PHIP: variants seen among roughly 807,000 people sequenced by gnomAD.
The protein encoded by PHIP is PHIP subunit of CUL4-Ring ligase complex, also known as PH-interacting protein.
A neutral mutation model predicts 236.8 loss-of-function variants in PHIP; 54 were observed. The ratio of observed to expected loss-of-function variants is 0.23; its 90% confidence interval spans 0.18 to 0.29. The LOEUF (loss-of-function observed/expected upper bound fraction) is 0.29. PHIP is among the 10% of genes least tolerant of loss of function. The pLI, the probability that PHIP is intolerant of heterozygous loss-of-function variation, is 1.00. For missense variants in PHIP, 1,370 were observed against 2,190.8 expected (o/e 0.63, Z 7.48); for synonymous variants, 756 against 718.9 (o/e 1.05, Z -0.83).
At chr6:79,034,907 T>C (rs748509575) in intron 7 of PHIP, among the ~76,000 whole-genome samples, 2 of 152,144 alleles carry the variant, frequency 1.3e-5, no homozygotes, top group Non-Finnish European at 2.9e-5. Flanking sequence ...ATTCTTTGAG[T>C]GTGCGGGATG....
chr6:79,068,425 T>G (rs1773730985), intron 4 of PHIP, among the ~76,000 whole-genome samples: 1 of 152,160 alleles, frequency 6.6e-6, no homozygotes, highest in African/African-American at 2.4e-5. Context: ...ATCATGCCAC[T>G]GCACACCAGC....
chr6:79,026,229 G>T, intron 7 of PHIP, 65 bp from the exon 8 acceptor site: 2 of 1,134,690 alleles, frequency 1.8e-6, no homozygotes, highest in African/African-American at 1.5e-5. Flanking sequence ...TCTTAACACT[G>T]ATAAATCTAC....
intron 29 of PHIP, among the ~76,000 whole-genome samples, chr6:78,963,492 C>T (rs1766928440): frequency 1.3e-5 from 2 of 152,134 alleles, no homozygotes; most frequent in South Asian, 4.1e-4. Flanking sequence ...ACCTGAAAAT[C>T]TGCTCTGTAA....
chr6:78,985,190 A>G (rs1051631071), intron 22 of PHIP, among the ~76,000 whole-genome samples, 162 bp downstream of exon 22: 1 of 152,120 alleles, frequency 6.6e-6, no homozygotes, highest in African/African-American at 2.4e-5. Context: ...ATTATTTTCT[A>G]TAGAGAACAT....
rs1208779541 is a variant in PHIP, at chr6:78,945,482, A to G, written c.4646T>C (p.Val1549Ala). The change falls in exon 39 of 40, where the codon GTG becomes GCG. Residue 1549 changes from valine to alanine, a missense_variant. This residue lies in a region of PHIP where 309 missense variants were observed against 328.3 expected (regional missense o/e 0.94). Coordinates refer to ENST00000275034, the MANE Select transcript of PHIP (RefSeq NM_017934.7). ...AGTATTCAAAGCTTTGGAATGTTTCACAGAATTCTCTAGTACTAAAACATA... is the reference window on the plus strand; with the variant it reads ...AGTATTCAAAGCTTTGGAATGTTTCGCAGAATTCTCTAGTACTAAAACATA... ...IPGKTILENS[V>A]KHSKALNTLS... The G allele has an allele frequency of 1.9e-6, 3 of 1,604,804 alleles. No individual in the cohort carries two copies. The Admixed American group carries it at 5.0e-5, about 27-fold the overall frequency.
intron 31 of PHIP, among the ~76,000 whole-genome samples, chr6:78,960,018 G>A (rs1032020965): frequency 3.9e-5 from 6 of 152,144 alleles, no homozygotes; most frequent in Admixed American, 3.9e-4. Flanking sequence ...TTAACCTCAT[G>A]ATCACGTGGC....
At chr6:79,071,617 A>G (rs1349247727) in intron 4 of PHIP, among the ~76,000 whole-genome samples, 1 of 152,196 alleles carries the variant, frequency 6.6e-6, no homozygotes, top group East Asian at 1.9e-4. Context: ...AGTGCATTAA[A>G]ATAGGAAGTT....
At chr6:79,012,678 T>C (rs1770650701) in intron 15 of PHIP, among the ~76,000 whole-genome samples, 1 of 151,704 alleles carries the variant, frequency 6.6e-6, no homozygotes, top group South Asian at 2.1e-4. Flanking sequence ...TAGCTATAAT[T>C]ATAGCCAAAA....
chr6:78,947,909 T>A, intron 35 of PHIP, 134 bp from the exon 36 acceptor site: 2 of 481,186 alleles, frequency 4.2e-6, no homozygotes, highest in East Asian at 6.7e-5. Context: ...GTTCCCCTTA[T>A]CAAGAGTCCC....
intron 18 of PHIP, 87 bp downstream of exon 18, chr6:78,998,167 T>C: frequency 1.0e-6 from 1 of 976,790 alleles, no homozygotes; most frequent in South Asian, 1.6e-5. Flanking sequence ...GGATGTACCA[T>C]AATTTTTTTA....
Position 78,941,301 on chromosome 6 carries a change from C to T in PHIP, c.4858G>A (p.Gly1620Arg), listed in dbSNP as rs756989773. The T allele has an allele frequency of 1.2e-6, 2 of 1,613,426 alleles. No individual in the cohort carries two copies. Among genetic ancestry groups the T allele is most frequent in the South Asian group, 1.1e-5 (1 of 91,064 alleles). The change falls in exon 40 of 40, where the codon GGA becomes AGA. Residue 1620 changes from glycine (G) to arginine (R), a missense_variant. By Grantham distance (125) the Gly-to-Arg change is moderately radical. Transcript: ENST00000275034. Reference protein sequence around the residue: ...GDCKNNALVPGTIQVNGHGGQ... With the variant: ...GDCKNNALVPRTIQVNGHGGQ... Reference sequence around the variant, plus strand: ...CCATGGCCATTTACTTGAATGGTTCCTGGTACAAGAGCGTTGTTCTTACAA... The same window carrying T: ...CCATGGCCATTTACTTGAATGGTTCTTGGTACAAGAGCGTTGTTCTTACAA...
Position 79,078,244 on chromosome 6 carries a change from A to G in PHIP, c.-176T>C. ...GGAGGAGGAGGAAACAACAACTCTCAGGCAGCGACTACGGCCGTGGCCGCC... is the reference window on the plus strand; with the variant it reads ...GGAGGAGGAGGAAACAACAACTCTCGGGCAGCGACTACGGCCGTGGCCGCC... On this transcript the variant is annotated 5_prime_UTR_variant, in exon 1 of 40. Transcript: ENST00000275034. 2 of 597,130 alleles carry G rather than the reference A, an allele frequency of 3.3e-6. No homozygotes were observed. Among genetic ancestry groups the G allele is most frequent in the African/African-American group, 2.0e-5 (1 of 51,254 alleles). 37.0% of individuals were successfully genotyped at this position (597,130 alleles called of 1,614,324 possible).
chr6:78,952,401 G>C (rs1166980116), intron 35 of PHIP, among the ~76,000 whole-genome samples: 1 of 133,864 alleles, frequency 7.5e-6, no homozygotes, highest in Non-Finnish European at 1.5e-5. Flanking sequence ...CCTGGAGACA[G>C]AGTGAGACTC....
intron 35 of PHIP, among the ~76,000 whole-genome samples, chr6:78,948,004 G>T (rs1320242038): frequency 6.6e-6 from 1 of 151,720 alleles, no homozygotes; most frequent in African/African-American, 2.4e-5. Context: ...GAACACAGAA[G>T]TTATTAATTT....
rs1424658323 is a variant in PHIP, at chr6:79,052,532, G to C, written c.439+7946C>G. On this transcript the variant is annotated intron_variant, in intron 6 of 39. Transcript: ENST00000275034. ...AGAAAAGAATGGAGTAATATACATA[G>C]TAAGATTTACTTTGGGATAACTCAT... Among the ~76,000 whole-genome samples, 3 of 152,288 alleles carry C rather than the reference G, an allele frequency of 2.0e-5. No homozygotes were observed. In the South Asian group the frequency reaches 6.2e-4, roughly 32 times the overall value.
chr6:79,036,785 G>C (rs996385585), intron 7 of PHIP, among the ~76,000 whole-genome samples: 4 of 151,868 alleles, frequency 2.6e-5, no homozygotes, highest in African/African-American at 9.7e-5. Flanking sequence ...GCCAGGCGTG[G>C]TGGTGGGTGC....
intron 32 of PHIP, 109 bp downstream of exon 32, chr6:78,958,366 T>G: frequency 1.4e-6 from 1 of 702,092 alleles, no homozygotes; most frequent in Admixed American, 2.7e-5. Context: ...CTATTTTGGC[T>G]ACTCTTAAAT....
intron 31 of PHIP, 71 bp downstream of exon 31, chr6:78,961,619 C>T: frequency 6.6e-7 from 1 of 1,510,454 alleles, no homozygotes; most frequent in South Asian, 1.2e-5. Flanking sequence ...AGAAACACTG[C>T]TAAAGATCAG....
intron 4 of PHIP, among the ~76,000 whole-genome samples, chr6:79,068,600 A>G (rs1773738467): frequency 6.6e-6 from 1 of 152,226 alleles, no homozygotes; most frequent in Non-Finnish European, 1.5e-5. Flanking sequence ...GACTGGTATC[A>G]CAACAGTCAC....
Sources: allele counts gnomAD v4.1 joint callset (sites outside exome capture counted in the v4.1 genomes callset), GRCh38; gene constraint gnomAD v4.1.1; regional missense constraint gnomAD v4.1.1; transcripts MANE v1.5; gene names NCBI Gene and HGNC (gene_info 2026-07-23, HGNC 2026-07-21).